Variants in DOCK1 observed in about 807,000 individuals in gnomAD.
The protein encoded by DOCK1 is dedicator of cytokinesis protein 1.
Under a neutral mutation model 262.7 loss-of-function variants are expected in DOCK1, and 138 were observed. The ratio of observed to expected loss-of-function variants is 0.53; its 90% CI spans 0.46 to 0.61. The LOEUF is 0.61. Among genes scored for constraint, DOCK1 ranks in the 20% least tolerant of loss-of-function variants. DOCK1 has a pLI of 0.00. For missense variants in DOCK1, 1,908 were observed against 2,370.7 expected (o/e 0.80, Z 4.05); for synonymous variants, 866 against 867.4 (o/e 1.00, Z 0.03).
At chr10:127,449,238 T>C (rs1008989560) in intron 51 of DOCK1, among the ~76,000 whole-genome samples, 14 of 152,238 alleles carry the variant, frequency 9.2e-5, no homozygotes, top group African/African-American at 3.4e-4. Flanking sequence ...CGGGGGGGTC[T>C]AACAAGAATA....
intron 23 of DOCK1, among the ~76,000 whole-genome samples, chr10:127,082,151 AG>A (rs2046939935): frequency 1.3e-5 from 2 of 152,296 alleles, no homozygotes; most frequent in African/African-American, 4.8e-5. Flanking sequence ...AACAAAGAAG[AG>A]GTTTTCCTGG....
At chr10:127,038,494 C>G (rs1190560652) in intron 19 of DOCK1, among the ~76,000 whole-genome samples, 2 of 152,120 alleles carry the variant, frequency 1.3e-5, no homozygotes, top group Non-Finnish European at 2.9e-5. Context: ...TGTGGAGCCT[C>G]AGGTCTTTTT....
intron 22 of DOCK1, among the ~76,000 whole-genome samples, chr10:127,053,090 C>G (rs1313333068): frequency 6.6e-6 from 1 of 152,180 alleles, no homozygotes; most frequent in African/African-American, 2.4e-5. Context: ...AAAGCATTGG[C>G]GATGACGCAG....
intron 25 of DOCK1, among the ~76,000 whole-genome samples, chr10:127,119,520 T>C (rs1419072941): frequency 6.6e-6 from 1 of 152,138 alleles, no homozygotes; most frequent in East Asian, 1.9e-4. Flanking sequence ...AAGACTTGAA[T>C]GGAGGGAGGA....
intron 1 of DOCK1, among the ~76,000 whole-genome samples, chr10:126,948,842 C>G (rs1042638509): frequency 2.0e-5 from 3 of 152,194 alleles, no homozygotes; most frequent in East Asian, 3.9e-4. Flanking sequence ...GCCCCCTATG[C>G]CTTTCCTGAG....
chr10:127,140,020 A>G (rs1206235714), intron 27 of DOCK1, among the ~76,000 whole-genome samples: 3 of 152,208 alleles, frequency 2.0e-5, no homozygotes, highest in African/African-American at 7.2e-5. Flanking sequence ...TATGTTAGGT[A>G]TAGAAGCGTA....
chr10:126,916,552 C>T (rs535686324), intron 1 of DOCK1, among the ~76,000 whole-genome samples: 117 of 152,280 alleles, frequency 7.7e-4, no homozygotes, highest in Admixed American at 1.7e-3. Flanking sequence ...GTTTCAGCCT[C>T]GGTTAGGAAA....
intron 9 of DOCK1, 148 bp from the exon 10 acceptor site, chr10:127,000,024 A>G (rs1250847850): frequency 1.1e-6 from 1 of 890,618 alleles, no homozygotes; most frequent in African/African-American, 1.7e-5. Context: ...TATTGTTATT[A>G]AATTCCTTTT....
At chr10:126,975,116 A>G (rs1040781885) in intron 2 of DOCK1, among the ~76,000 whole-genome samples, 2 of 151,942 alleles carry the variant, frequency 1.3e-5, no homozygotes, top group African/African-American at 2.4e-5. Flanking sequence ...GTGTCATTAT[A>G]GTCTTGTTCT....
chr10:127,287,730 G>T (rs958729472), intron 29 of DOCK1, among the ~76,000 whole-genome samples: 2 of 146,368 alleles, frequency 1.4e-5, no homozygotes, highest in Non-Finnish European at 3.0e-5. Context: ...TCTTCCCATT[G>T]CATCACACCA....
At chr10:127,345,106 T>C (rs1280668810) in intron 31 of DOCK1, among the ~76,000 whole-genome samples, 2 of 152,128 alleles carry the variant, frequency 1.3e-5, no homozygotes, top group Non-Finnish European at 2.9e-5. Context: ...GGCTGTAGTA[T>C]CTCAGTTTGT....
chr10:126,948,574 C>A (rs1055981755), intron 1 of DOCK1, among the ~76,000 whole-genome samples: 256 of 151,958 alleles, frequency 1.7e-3, no homozygotes, highest in South Asian at 4.8e-3. Flanking sequence ...GGGATAGGCA[C>A]CCTGAAACAG....
At chr10:127,110,428 T>G in intron 25 of DOCK1, 74 bp downstream of exon 25, 2 of 1,362,620 alleles carry the variant, frequency 1.5e-6, no homozygotes, top group Non-Finnish European at 2.1e-6. Flanking sequence ...CTGAATTGCC[T>G]CTTCTTGACA....
chr10:127,408,649 T>C (rs3740547), intron 40 of DOCK1, among the ~76,000 whole-genome samples: 79,881 of 152,102 alleles, frequency 0.53, 21,075 homozygotes, highest in East Asian at 0.63. Context: ...CAAGAAAAAG[T>C]GTGGACATCA....
At chr10:127,047,611 C>CA (rs55934134) in intron 21 of DOCK1, among the ~76,000 whole-genome samples, 26,198 of 152,070 alleles carry the variant, frequency 0.17, 2,754 homozygotes, top group East Asian at 0.27. Flanking sequence ...AACTACTGCC[C>CA]AAAACAAGAC....
intron 31 of DOCK1, among the ~76,000 whole-genome samples, chr10:127,353,047 G>A (rs1397845703): frequency 1.3e-5 from 2 of 152,142 alleles, no homozygotes; most frequent in Non-Finnish European, 2.9e-5. Flanking sequence ...GGGCGCAGGG[G>A]GTGTTTGTGT....
chr10:126,921,378 A>G (rs779005903), intron 1 of DOCK1, among the ~76,000 whole-genome samples: 2 of 152,208 alleles, frequency 1.3e-5, no homozygotes, highest in African/African-American at 2.4e-5. Flanking sequence ...GGAATGAAAC[A>G]CCGATCATGC....
Position 127,418,518 on chromosome 10 carries a change from G to A in DOCK1, c.4669G>A (p.Gly1557Arg). 1.9e-6 allele frequency: 3 copies of A among 1,613,950 alleles called. No individual in the cohort carries two copies. The South Asian group carries it at 3.3e-5, about 18-fold the overall frequency. ...LNGIVDPAVM[G>R]GFANYEKAFF... Reference sequence around the variant, plus strand: ...CGGCATCGTGGACCCAGCTGTCATGGGGGGCTTCGCAAACTACGAAAAGGT... The same window carrying A: ...CGGCATCGTGGACCCAGCTGTCATGAGGGGCTTCGCAAACTACGAAAAGGT... The change falls in exon 45 of 52, where the codon GGG becomes AGG. Residue 1557 changes from glycine to arginine, a missense_variant. By Grantham distance (125) the Gly-to-Arg change is moderately radical. Transcript: ENST00000623213.
intron 27 of DOCK1, among the ~76,000 whole-genome samples, chr10:127,221,165 A>G (rs2058422346): frequency 6.6e-6 from 1 of 152,220 alleles, no homozygotes; most frequent in Admixed American, 6.5e-5. Context: ...TTGCTAAGCA[A>G]TTTCTGTTGA....
Sources: allele counts gnomAD v4.1 joint callset (sites outside exome capture counted in the v4.1 genomes callset), GRCh38; gene constraint gnomAD v4.1.1; transcripts MANE v1.5; gene names NCBI Gene and HGNC (gene_info 2026-07-23, HGNC 2026-07-21).